Variants in DCAF8L2 observed in about 807,000 individuals in gnomAD.
DCAF8L2 encodes the protein DDB1- and CUL4-associated factor 8-like protein 2.
For synonymous variants in DCAF8L2, 200 were observed against 190.9 expected (o/e 1.05, Z -0.39); for missense variants, 430 against 490.7 (o/e 0.88, Z 1.17).
the DCAF8L2 span, among the ~76,000 whole-genome samples, chrX:27,526,835 C>T: frequency 1.8e-5 from 2 of 112,655 alleles, no homozygotes; most frequent in African/African-American, 6.5e-5. Context: ...AGCTGCAGAA[C>T]AGCGAATATT....
At chrX:27,702,167 C>G (rs1931151283) in intron 3 of DCAF8L2, among the ~76,000 whole-genome samples, 1 of 110,360 alleles carries the variant, frequency 9.1e-6, no homozygotes, top group Non-Finnish European at 1.9e-5. Context: ...AATAGAAAAT[C>G]TGAGTAGACA....
At chrX:27,696,977 T>C (rs1316539288) in intron 3 of DCAF8L2, among the ~76,000 whole-genome samples, 2 of 111,859 alleles carry the variant, frequency 1.8e-5, no homozygotes, top group Non-Finnish European at 3.8e-5. Flanking sequence ...GCATTATCAT[T>C]TTATCAGGTC....
At chrX:27,606,250 TTATATA>T (rs760094249) in intron 1 of DCAF8L2, among the ~76,000 whole-genome samples, 2 of 84,249 alleles carry the variant, frequency 2.4e-5, no homozygotes, top group Non-Finnish European at 4.5e-5. Context: ...TATATAGGAA[TTATATA>T]TATATATATA....
intron 3 of DCAF8L2, among the ~76,000 whole-genome samples, chrX:27,705,411 C>A (rs1931309531): frequency 8.9e-6 from 1 of 111,804 alleles, no homozygotes; most frequent in Non-Finnish European, 1.9e-5. Flanking sequence ...TTTCCACAAG[C>A]AAAATATGAA....
upstream of DCAF8L2, among the ~76,000 whole-genome samples, chrX:27,587,985 A>AAATATATATATATATAT: frequency 2.2e-4 from 5 of 22,367 alleles, no homozygotes; most frequent in African/African-American, 3.9e-4. Flanking sequence ...TAAAAAAAAA[A>AAATATATATATATATAT]ATATATATAT....
chrX:27,707,089 G>A (rs1234462554), intron 3 of DCAF8L2, among the ~76,000 whole-genome samples: 1 of 111,083 alleles, frequency 9.0e-6, no homozygotes, highest in Non-Finnish European at 1.9e-5. Flanking sequence ...CAAGTGAGTA[G>A]AGCCAGAAAG....
At chrX:27,493,853 C>T in the DCAF8L2 span, among the ~76,000 whole-genome samples, 1 of 110,797 alleles carries the variant, frequency 9.0e-6, no homozygotes, top group Non-Finnish European at 1.9e-5. Context: ...TTTGATTTTT[C>T]TGCAGTTTGT....
chrX:27,486,372 A>G, the DCAF8L2 span, among the ~76,000 whole-genome samples: 1 of 111,496 alleles, frequency 9.0e-6, no homozygotes, highest in African/African-American at 3.3e-5. Flanking sequence ...AATATTTGAA[A>G]TGAAAGTAGC....
chrX:27,631,612 G>A (rs980232397), intron 1 of DCAF8L2, among the ~76,000 whole-genome samples: 6 of 111,196 alleles, frequency 5.4e-5, no homozygotes, highest in African/African-American at 2.0e-4. Flanking sequence ...TTTTTAGGCA[G>A]CACAGACTAT....
At chrX:27,654,989 A>C (rs1040842319) in intron 2 of DCAF8L2, among the ~76,000 whole-genome samples, 1 of 110,983 alleles carries the variant, frequency 9.0e-6, no homozygotes, top group African/African-American at 3.3e-5. Flanking sequence ...CCTACATACT[A>C]TTTTTTCTCT....
intron 1 of DCAF8L2, among the ~76,000 whole-genome samples, chrX:27,609,476 A>T (rs148857190): frequency 0.013 from 1,453 of 111,344 alleles, 18 homozygotes; most frequent in African/African-American, 0.045. Flanking sequence ...TTAGCTAGAT[A>T]TAAAACAGCT....
chrX:27,568,289 GT>G, the DCAF8L2 span, among the ~76,000 whole-genome samples: 3 of 110,959 alleles, frequency 2.7e-5, no homozygotes, highest in Non-Finnish European at 5.7e-5. Context: ...TTGGAGACAG[GT>G]TTTTTTTCTG....
chrX:27,631,403 T>C (rs1928284871), intron 1 of DCAF8L2, among the ~76,000 whole-genome samples: 1 of 112,003 alleles, frequency 8.9e-6, no homozygotes, highest in Non-Finnish European at 1.9e-5. Context: ...CAGAGCAATT[T>C]AGGAAAGAGA....
the DCAF8L2 span, among the ~76,000 whole-genome samples, chrX:27,562,634 G>T: frequency 0.029 from 3,277 of 112,030 alleles, 108 homozygotes; most frequent in African/African-American, 0.099. Context: ...CTGAAATGCA[G>T]GCCTGACAGC....
the DCAF8L2 span, among the ~76,000 whole-genome samples, chrX:27,522,585 C>A: frequency 1.8e-5 from 2 of 111,565 alleles, no homozygotes; most frequent in Non-Finnish European, 1.9e-5. Flanking sequence ...ATTTTAATAG[C>A]CATCAAAAAG....
the DCAF8L2 span, among the ~76,000 whole-genome samples, chrX:27,514,149 T>C: frequency 7.8e-4 from 87 of 110,974 alleles, no homozygotes; most frequent in African/African-American, 2.6e-3. Context: ...TATGTATATG[T>C]ATGTGTGTGC....
At chrX:27,681,778 A>G (rs1602729807) in intron 3 of DCAF8L2, among the ~76,000 whole-genome samples, 2 of 111,877 alleles carry the variant, frequency 1.8e-5, no homozygotes, top group African/African-American at 6.5e-5. Context: ...ATTTCTTATT[A>G]TAAGTGGTCT....
At chrX:27,612,349 T>C (rs985394226) in intron 1 of DCAF8L2, among the ~76,000 whole-genome samples, 17 of 112,143 alleles carry the variant, frequency 1.5e-4, no homozygotes, top group Non-Finnish European at 3.2e-4. Flanking sequence ...ATATTAGCCC[T>C]TTGTCAGATG....
At chrX:27,732,108 G>A (rs1280712534) in intron 4 of DCAF8L2, among the ~76,000 whole-genome samples, 1 of 111,392 alleles carries the variant, frequency 9.0e-6, no homozygotes, top group Non-Finnish European at 1.9e-5. Flanking sequence ...TAACGTATGT[G>A]TCTCCTTACA....
Sources: gnomAD v4.1 joint callset for allele counts (sites outside exome capture counted in the v4.1 genomes callset) on GRCh38, gnomAD v4.1.1 for gene constraint, MANE v1.5 for transcripts, NCBI Gene and HGNC (gene_info 2026-07-23, HGNC 2026-07-21) for gene names.